Variants in RSRP1 observed in about 807,000 individuals in gnomAD.
RSRP1 encodes arginine/serine-rich protein 1.
A neutral mutation model predicts 33.0 loss-of-function variants in RSRP1; 37 were observed. The observed-to-expected ratio is 1.12, with a 90% CI of 0.86 to 1.48. The LOEUF (loss-of-function observed/expected upper bound fraction) is 1.48, where lower values mean the gene tolerates loss of function less well. RSRP1 is among the 40% of genes most tolerant of loss of function. The probability of loss-of-function intolerance (pLI) is 0.00; values close to 1 mark genes in which losing one functional copy is unlikely to be tolerated. For synonymous variants in RSRP1, 167 were observed against 158.7 expected, an observed-to-expected ratio of 1.05 and a Z score of -0.40; for missense variants, 402 against 385.3, an observed-to-expected ratio of 1.04 and a Z score of -0.36.
intron 1 of RSRP1, among the ~76,000 whole-genome samples, chr1:25,284,141 G>GCTTC (rs1641745808): frequency 7.3e-6 from 1 of 136,084 alleles, no homozygotes; most frequent in African/African-American, 2.5e-5. Context: ...AAGTCACTTG[G>GCTTC]CTTCTGTGGC....
chr1:25,330,405 C>T lies in RSRP1; in HGVS notation c.-67+7573G>A, dbSNP rs538831538. ...GGCAGACCAAGGTTCTTTTTGTTTA[C>T]ATAATACTTGAAAAATAAAAATGAA... On this transcript the variant is annotated intron_variant, in intron 1 of 1. Transcript: ENST00000561867. 1.6e-4 allele frequency: 21 copies of T among 133,040 alleles called. 2 individuals carry two copies. The highest frequency in any genetic ancestry group is 5.4e-4 in the African/African-American group (21 of 39,106). The allele number at this position is 133,040 out of a possible 1,614,324, so 8.2% of individuals were successfully genotyped here.
At chr1:25,289,073 T>A (rs1417936575) in intron 1 of RSRP1, among the ~76,000 whole-genome samples, 1 of 132,512 alleles carries the variant, frequency 7.5e-6, no homozygotes, top group African/African-American at 2.6e-5. Flanking sequence ...CCAGCTGGAT[T>A]TGAACCTCAC....
In RSRP1 at chr1:25,242,385, C is replaced by G. The variant is rs1442331205; in HGVS notation, c.*204G>C. ...CAAAAGACTCCCACCTGTGCATAAC[C>G]TTTGGTCCATCTGTGCTATCTCTCA... On this transcript the variant is annotated 3_prime_UTR_variant, in exon 5 of 5. Coordinates refer to ENST00000243189, the MANE Select transcript of RSRP1 (RefSeq NM_020317.5). 3 of 415,472 alleles carry G rather than the reference C, an allele frequency of 7.2e-6. No homozygotes were observed. The highest frequency in any genetic ancestry group is 2.0e-5 in the African/African-American group (1 of 49,966). 25.7% of individuals were successfully genotyped at this position (415,472 alleles called of 1,614,324 possible).
At chr1:25,300,535 C>T (rs576349731) in intron 1 of RSRP1, among the ~76,000 whole-genome samples, 4 of 126,408 alleles carry the variant, frequency 3.2e-5, no homozygotes, top group African/African-American at 5.5e-5. Flanking sequence ...AAAGGCCAGG[C>T]GCAGTGGCTC....
chr1:25,243,743 T>C, intron 3 of RSRP1, 110 bp from the exon 4 acceptor site: 1 of 1,476,806 alleles, frequency 6.8e-7, no homozygotes, highest in Non-Finnish European at 9.0e-7. Context: ...GACACAAAAA[T>C]CAACTTGGAT....
chr1:25,255,041 G>A (rs996452937), intron 1 of RSRP1, among the ~76,000 whole-genome samples: 1 of 152,120 alleles, frequency 6.6e-6, no homozygotes, highest in Non-Finnish European at 1.5e-5. Context: ...AGTCAGAAGA[G>A]CCATCTCAAC....
At chr1:25,260,340 CTG>C (rs1158588037) in intron 1 of RSRP1, among the ~76,000 whole-genome samples, 1 of 152,192 alleles carries the variant, frequency 6.6e-6, no homozygotes, top group East Asian at 1.9e-4. Context: ...GAAAATGTGA[CTG>C]TGAATTTTTT....
chr1:25,273,366 A>G (rs1571560397), intron 1 of RSRP1, among the ~76,000 whole-genome samples: 1 of 97,858 alleles, frequency 1.0e-5, no homozygotes, highest in Non-Finnish European at 2.5e-5. Context: ...CTGGTCTCAA[A>G]CTCCTGGACA....
Position 25,272,411 on chromosome 1 carries a change from G to A in RSRP1, c.-66-25382C>T. 2.4e-6 allele frequency: 3 copies of A among 1,238,416 alleles called. 1 individual carries two copies. Among genetic ancestry groups the A allele is most frequent in the South Asian group, 1.3e-5 (1 of 76,464 alleles). 76.7% of individuals were successfully genotyped at this position (1,238,416 alleles called of 1,614,324 possible). ...CCGTGTTAACTCCATAGAGAGGCCA[G>A]CACAACCAGCCTTGCAGCCTGAGAT... On this transcript the variant is annotated intron_variant, in intron 1 of 1. Coordinates refer to the RSRP1 transcript ENST00000561867.
chr1:25,246,639 AAGGAGAC>A lies in RSRP1; in HGVS notation c.318_324del (p.Ser107ArgfsTer62). On this transcript the variant is annotated frameshift_variant, in exon 2 of 5. Coordinates refer to ENST00000243189, the MANE Select transcript of RSRP1 (RefSeq NM_020317.5). LOFTEE classifies it high-confidence loss of function. ...CTACGGGACCGGGACCGGTACCGCGAAGGAGACCGGTAGTATCTCCTGGTGAACCCGT... is the reference window on the plus strand; with the variant it reads ...CTACGGGACCGGGACCGGTACCGCGACGGTAGTATCTCCTGGTGAACCCGT... 6.2e-7 allele frequency: 1 copy of A among 1,613,904 alleles called. No individual in the cohort carries two copies.
chr1:25,336,872 C>G (rs765941139), intron 1 of RSRP1, among the ~76,000 whole-genome samples: 8 of 151,858 alleles, frequency 5.3e-5, no homozygotes, highest in Non-Finnish European at 1.0e-4. Flanking sequence ...GTTTTATCTA[C>G]TAATCGGCTA....
chr1:25,260,422 AT>A (rs1640095355), intron 1 of RSRP1, among the ~76,000 whole-genome samples: 2 of 152,288 alleles, frequency 1.3e-5, no homozygotes, highest in East Asian at 3.9e-4. Context: ...AACTCACATA[AT>A]TTTACAGATT....
At chr1:25,311,096 T>G (rs1440165775) in intron 1 of RSRP1, among the ~76,000 whole-genome samples, 3 of 131,920 alleles carry the variant, frequency 2.3e-5, no homozygotes, top group African/African-American at 7.7e-5. Context: ...GTTACTGAAG[T>G]CGTTGAGATC....
At position 25,253,235 on chromosome 1, in the gene RSRP1, C is replaced by T. The variant is rs765727723; in HGVS notation, c.-66-6206G>A. 3 of 152,094 alleles carry T rather than the reference C, an allele frequency of 2.0e-5. No homozygotes were observed. The South Asian group carries it at 6.2e-4, about 32-fold the overall frequency. The allele number at this position is 152,094 out of a possible 1,614,324, so 9.4% of individuals were successfully genotyped here. A position where few individuals can be genotyped will look rare whatever the true frequency, so the allele number is the denominator to read the frequency against. On this transcript the variant is annotated intron_variant, in intron 1 of 1. Coordinates refer to the RSRP1 transcript ENST00000561867. ...ACAGAATTTTTGATGAATATGGGCT[C>T]GTTCTAAACAAGTTGAAACTTATAA...
chr1:25,261,234 T>G (rs28397228), intron 1 of RSRP1, among the ~76,000 whole-genome samples: 6,888 of 152,214 alleles, frequency 0.045, 540 homozygotes, highest in African/African-American at 0.16. Context: ...GGCTTCAAAA[T>G]ATGAATCTGA....
chr1:25,311,646 C>G (rs1182765600), intron 1 of RSRP1, among the ~76,000 whole-genome samples: 1 of 129,734 alleles, frequency 7.7e-6, no homozygotes, highest in African/African-American at 2.7e-5. Context: ...CTGCCCCTCC[C>G]ATTACTGGCC....
chr1:25,261,823 C>T (rs1205212945), intron 1 of RSRP1, among the ~76,000 whole-genome samples: 11 of 150,706 alleles, frequency 7.3e-5, no homozygotes, highest in Admixed American at 4.6e-4. Flanking sequence ...GCGATTCTCC[C>T]ACCTCTGCCT....
intron 1 of RSRP1, among the ~76,000 whole-genome samples, chr1:25,322,604 C>G (rs1470130808): frequency 7.6e-6 from 1 of 130,932 alleles, no homozygotes; most frequent in Non-Finnish European, 1.8e-5. Flanking sequence ...ACCTGGGAAG[C>G]GAAGTTTGCA....
intron 1 of RSRP1, among the ~76,000 whole-genome samples, chr1:25,310,214 T>G (rs1378528433): frequency 7.5e-6 from 1 of 133,552 alleles, no homozygotes; most frequent in African/African-American, 2.5e-5. Context: ...AAATTTCATG[T>G]GCTGGAAACT....
Sources: allele counts gnomAD v4.1 joint callset (sites outside exome capture counted in the v4.1 genomes callset), GRCh38; gene constraint gnomAD v4.1.1; transcripts MANE v1.5; gene names NCBI Gene and HGNC (gene_info 2026-07-23, HGNC 2026-07-21).